The following KAT6B variants were observed in gnomAD, a reference collection of about 807,000 sequenced individuals.
The protein encoded by KAT6B is lysine acetyltransferase 6B.
KAT6B carries 10 observed loss-of-function variants against 187.5 expected under a neutral mutation model. That is an observed-to-expected ratio of 0.05 (90% CI 0.03 to 0.09). The LOEUF is 0.09. Ranked by LOEUF, KAT6B falls within the 10% of genes least tolerant of loss-of-function variation. KAT6B has a pLI of 1.00. For synonymous variants in KAT6B, 861 were observed against 926.8 expected, an observed-to-expected ratio of 0.93 and a Z score of 1.29; for missense variants, 1,952 against 2,558.9, an observed-to-expected ratio of 0.76 and a Z score of 5.12.
chr10:74,888,692 C>CT (rs1845454377), intron 3 of KAT6B, among the ~76,000 whole-genome samples: 1 of 152,122 alleles, frequency 6.6e-6, no homozygotes, highest in South Asian at 2.1e-4. Context: ...AAATCACATA[C>CT]TTTTAATTTG....
chr10:74,878,608 A>C (rs2132491357), intron 3 of KAT6B, among the ~76,000 whole-genome samples: 1 of 145,958 alleles, frequency 6.9e-6, no homozygotes, highest in African/African-American at 2.6e-5. Context: ...TGACAGAGCA[A>C]GACTCCATCT....
intron 3 of KAT6B, among the ~76,000 whole-genome samples, chr10:74,942,023 G>C (rs1849701117): frequency 6.6e-6 from 1 of 152,130 alleles, no homozygotes; most frequent in Non-Finnish European, 1.5e-5. Flanking sequence ...GGTGTCAGGT[G>C]CCTGTAATCC....
intron 13 of KAT6B, among the ~76,000 whole-genome samples, chr10:75,007,312 A>G (rs1844280930): frequency 6.6e-6 from 1 of 152,160 alleles, no homozygotes; most frequent in South Asian, 2.1e-4. Flanking sequence ...AGTAAAGAGG[A>G]GCATACTGAG....
intron 3 of KAT6B, among the ~76,000 whole-genome samples, chr10:74,898,173 C>T (rs1477685513): frequency 1.3e-5 from 2 of 152,122 alleles, no homozygotes; most frequent in East Asian, 3.8e-4. Flanking sequence ...GGGAAAAGCA[C>T]CTAGGATTTG....
chr10:75,017,021 GC>G (rs755635174), intron 13 of KAT6B, among the ~76,000 whole-genome samples: 1 of 151,976 alleles, frequency 6.6e-6, no homozygotes, highest in Non-Finnish European at 1.5e-5. Flanking sequence ...ACGCCACCAT[GC>G]CCGGCTAGTT....
chr10:74,997,395 G>T (rs1303115073), intron 13 of KAT6B, among the ~76,000 whole-genome samples: 1 of 152,144 alleles, frequency 6.6e-6, no homozygotes, highest in African/African-American at 2.4e-5. Flanking sequence ...TAAGAGTCCT[G>T]CATTTATTGA....
chr10:74,998,987 A>G (rs1589781559), intron 13 of KAT6B, among the ~76,000 whole-genome samples: 1 of 152,256 alleles, frequency 6.6e-6, no homozygotes, highest in Non-Finnish European at 1.5e-5. Context: ...TTTCAAAATT[A>G]TATATGTAAT....
In KAT6B at chr10:75,025,179, G is replaced by A; in HGVS notation, c.3594G>A (p.Gly1198=). 6 of 1,614,212 alleles carry A rather than the reference G, an allele frequency of 3.7e-6. No homozygotes were observed. The highest frequency in any genetic ancestry group is 5.1e-6 in the Non-Finnish European group (6 of 1,180,036). Residue 1198 remains glycine, a synonymous_variant, in exon 17 of 18, where the codon GGG becomes GGA. Coordinates refer to ENST00000287239, the MANE Select transcript of KAT6B (RefSeq NM_012330.4). ...VLRKAFQHQP[G]KKRQTEEEEG... is the part of the protein sequence containing the mutation. ...GAAAAGCATTCCAGCATCAGCCTGG[G>A]AAGAAAAGACAAACAGAGGAAGAGG...
intron 3 of KAT6B, among the ~76,000 whole-genome samples, chr10:74,908,351 A>G (rs982719089): frequency 3.3e-5 from 5 of 152,086 alleles, no homozygotes; most frequent in African/African-American, 1.2e-4. Context: ...TCACGAGGTC[A>G]AGAGATTGAA....
intron 13 of KAT6B, among the ~76,000 whole-genome samples, chr10:75,000,107 G>C (rs1843723464): frequency 6.6e-6 from 1 of 152,114 alleles, no homozygotes; most frequent in Non-Finnish European, 1.5e-5. Flanking sequence ...GGGAAGCAGA[G>C]GTTGCAGTGA....
At chr10:74,910,145 A>T (rs919914794) in intron 3 of KAT6B, among the ~76,000 whole-genome samples, 9 of 148,832 alleles carry the variant, frequency 6.0e-5, no homozygotes, top group South Asian at 2.1e-4. Flanking sequence ...AAAAAAAAAA[A>T]ATATTAGCCA....
At chr10:74,976,721 CA>C (rs1589740041) in intron 8 of KAT6B, 1 of 322,874 alleles carries the variant, frequency 3.1e-6, no homozygotes, top group Non-Finnish European at 5.9e-6. Flanking sequence ...GTGCTTCCAA[CA>C]GGGGGTGTTT....
chr10:74,959,127 A>G (rs1244253020), intron 3 of KAT6B, among the ~76,000 whole-genome samples: 1 of 152,114 alleles, frequency 6.6e-6, no homozygotes, highest in Non-Finnish European at 1.5e-5. Flanking sequence ...GGTGTGGTTT[A>G]CTTTTGAAGA....
At chr10:75,026,111 A>ACT (rs1256388894) in intron 17 of KAT6B, 1 of 146,400 alleles carries the variant, frequency 6.8e-6, no homozygotes, top group Non-Finnish European at 1.5e-5. Context: ...GTGCCACTGC[A>ACT]CTCCAGCCTG....
intron 3 of KAT6B, among the ~76,000 whole-genome samples, chr10:74,894,512 T>G (rs1033369160): frequency 6.6e-6 from 1 of 152,216 alleles, no homozygotes; most frequent in African/African-American, 2.4e-5. Context: ...GTGCAACAGA[T>G]CTTTAGAGTT....
chr10:75,018,535 G>A (rs868228433), intron 13 of KAT6B, among the ~76,000 whole-genome samples: 2 of 152,352 alleles, frequency 1.3e-5, no homozygotes, highest in African/African-American at 4.8e-5. Context: ...GAACAGCTGC[G>A]GAAAGCGTGG....
At chr10:74,950,564 C>T (rs1840247854) in intron 3 of KAT6B, among the ~76,000 whole-genome samples, 2 of 152,194 alleles carry the variant, frequency 1.3e-5, no homozygotes, top group Admixed American at 1.3e-4. Context: ...TGTGCATGAT[C>T]TCTATCCTAA....
intron 3 of KAT6B, among the ~76,000 whole-genome samples, chr10:74,953,307 G>C (rs1038118144): frequency 1.3e-5 from 2 of 152,168 alleles, no homozygotes; most frequent in African/African-American, 4.8e-5. Context: ...TTAAGGACTT[G>C]AAGTTGTTTG....
intron 9 of KAT6B, 99 bp from the exon 10 acceptor site, chr10:74,979,125 G>C: frequency 2.6e-6 from 2 of 783,118 alleles, no homozygotes; most frequent in Admixed American, 2.0e-5. Context: ...ATTAAGATTA[G>C]TGTTCTGATC....
Sources: allele counts gnomAD v4.1 joint callset (sites outside exome capture counted in the v4.1 genomes callset), GRCh38; gene constraint gnomAD v4.1.1; transcripts MANE v1.5; gene names NCBI Gene and HGNC (gene_info 2026-07-23, HGNC 2026-07-21).